The following SH3BP4 variants were observed in gnomAD, a reference collection of about 807,000 sequenced individuals.
The protein encoded by SH3BP4 is SH3 domain binding protein 4.
A neutral mutation model predicts 65.5 loss-of-function variants in SH3BP4; 33 were observed. The ratio of observed to expected loss-of-function variants is 0.50; its 90% CI spans 0.38 to 0.67. The LOEUF (loss-of-function observed/expected upper bound fraction) is 0.67, where lower values mean the gene tolerates loss of function less well. Ranked by LOEUF, SH3BP4 falls within the 30% of genes least tolerant of loss-of-function variation. The pLI, the probability that SH3BP4 is intolerant of heterozygous loss-of-function variation, is 0.00. For synonymous variants in SH3BP4, 552 were observed against 545.5 expected (o/e 1.01, Z -0.17); for missense variants, 1,134 against 1,261.4 (o/e 0.90, Z 1.53).
rs1233442717 is a variant in SH3BP4 at position 234,976,725 on chromosome 2, C to T, written c.-206-18578C>T. On this transcript the variant is annotated intron_variant, in intron 1 of 5. Transcript: ENST00000392011. The surrounding 1 kb of genome is among the most constrained non-coding windows in gnomAD (Gnocchi z 4.7). ...CTGCCTCTGGTCTTCCTCTCAGTAA[C>T]ACACAACCCAGTCTAACTGGGAGAA... 6.8e-6 allele frequency among the ~76,000 whole-genome samples: 1 copy of T among 147,590 alleles called. No individual in the cohort carries two copies. Among genetic ancestry groups the T allele is most frequent in the Non-Finnish European group, 1.5e-5 (1 of 67,558 alleles).
chr2:234,962,594 GA>G (rs1692739150), intron 1 of SH3BP4, among the ~76,000 whole-genome samples: 1 of 152,160 alleles, frequency 6.6e-6, no homozygotes, highest in Admixed American at 6.5e-5. Context: ...CACCCATGAT[GA>G]CCACTCTGGA....
chr2:235,011,735 ACTCT>A (rs1466238095), intron 2 of SH3BP4, among the ~76,000 whole-genome samples: 1 of 152,196 alleles, frequency 6.6e-6, no homozygotes, highest in Non-Finnish European at 1.5e-5. Flanking sequence ...AGTTCTGATA[ACTCT>A]CTGTTTGTCA....
In SH3BP4 at chr2:235,002,461, G is replaced by T. The variant is rs370446489; in HGVS notation, c.-133+7085G>T. 8.0e-4 allele frequency among the ~76,000 whole-genome samples: 122 copies of T among 152,280 alleles called. 4 individuals are homozygous for T. In the South Asian group the frequency reaches 0.025, roughly 31 times the overall value. On this transcript the variant is annotated intron_variant, in intron 2 of 5. Transcript: ENST00000392011. ...ATCAAACCAAGGTCAAGCTGGATGCGGTGGCTCATGACTGTAATCCAAGGG... is the reference window on the plus strand; with the variant it reads ...ATCAAACCAAGGTCAAGCTGGATGCTGTGGCTCATGACTGTAATCCAAGGG...
intron 2 of SH3BP4, among the ~76,000 whole-genome samples, chr2:235,005,997 G>C (rs1339600832): frequency 6.6e-6 from 1 of 152,240 alleles, no homozygotes; most frequent in Non-Finnish European, 1.5e-5. Context: ...TTGATCCCTG[G>C]GGGAGTAGGA....
intron 1 of SH3BP4, among the ~76,000 whole-genome samples, chr2:234,954,432 C>G (rs1409324034): frequency 6.6e-6 from 1 of 152,142 alleles, no homozygotes; most frequent in African/African-American, 2.4e-5. Context: ...TGATCAGGGT[C>G]TGTCTAGTTG....
intron 1 of SH3BP4, among the ~76,000 whole-genome samples, chr2:234,968,538 T>G (rs191431011): frequency 2.6e-5 from 4 of 152,356 alleles, no homozygotes; most frequent in African/African-American, 9.6e-5. Flanking sequence ...GGTTATTCCT[T>G]GGATACTTGC....
intron 2 of SH3BP4, among the ~76,000 whole-genome samples, chr2:235,007,861 A>G (rs1453992596): frequency 6.6e-6 from 1 of 152,194 alleles, no homozygotes; most frequent in Non-Finnish European, 1.5e-5. Context: ...GGACTCAGGC[A>G]CCCGAGGAGA....
At chr2:234,958,600 G>A (rs1692637770) in intron 1 of SH3BP4, among the ~76,000 whole-genome samples, 1 of 152,018 alleles carries the variant, frequency 6.6e-6, no homozygotes, top group Non-Finnish European at 1.5e-5. Flanking sequence ...CCCAGAAGGG[G>A]CAGGAAGGCT....
rs761053542 is a variant in SH3BP4 at position 235,043,133 on chromosome 2, G to C, written c.2364G>C (p.Arg788=). 3.5e-5 allele frequency: 56 copies of C among 1,613,608 alleles called. No individual in the cohort carries two copies. Among genetic ancestry groups the C allele is most frequent in the Non-Finnish European group, 4.5e-5 (53 of 1,179,978 alleles). ...YVNLPLTFFC[R]AELDSEPERV... is the part of the protein sequence containing the mutation. ...ACCTGCCGCTCACCTTTTTCTGCCG[G>C]GCAGAGCTGGATAGTGAGCCCGAGC... The change falls in exon 4 of 6, where the codon CGG becomes CGC. Residue 788 remains arginine (R), a synonymous_variant. Coordinates refer to ENST00000392011, the MANE Select transcript of SH3BP4 (RefSeq NM_014521.3).
chr2:235,017,290 T>C (rs1190681188), intron 2 of SH3BP4, among the ~76,000 whole-genome samples: 1 of 151,540 alleles, frequency 6.6e-6, no homozygotes, highest in Non-Finnish European at 1.5e-5. Context: ...CTACTAAAAA[T>C]ACAAAAATTA....
At chr2:235,029,198 A>G (rs1344565984) in intron 2 of SH3BP4, among the ~76,000 whole-genome samples, 4 of 152,168 alleles carry the variant, frequency 2.6e-5, no homozygotes, top group Non-Finnish European at 5.9e-5. Context: ...TGGAGCCACC[A>G]GGAGTGCATG....
Position 235,041,318 on chromosome 2 carries a change from G to A in SH3BP4, c.549G>A (p.Glu183=), listed in dbSNP as rs769238764. 1.4e-5 allele frequency: 23 copies of A among 1,614,192 alleles called. No individual in the cohort carries two copies. The highest frequency in any genetic ancestry group is 1.9e-5 in the Non-Finnish European group (23 of 1,180,032). ...TGCCCGTCATGCCCAGCCTGGATGA[G>A]CTGAATCCCAAAAGTACTGTGGATT... ...GNVPVMPSLD[E]LNPKSTVDLL... The change falls in exon 4 of 6, where the codon GAG becomes GAA. Residue 183 remains glutamate, a synonymous_variant. Coordinates refer to ENST00000392011, the MANE Select transcript of SH3BP4 (RefSeq NM_014521.3). The surrounding 1 kb of genome is among the most constrained non-coding windows in gnomAD (Gnocchi z 6.0).
Position 235,043,331 on chromosome 2 carries a change from C to T in SH3BP4, c.2478+84C>T, listed in dbSNP as rs116191799. On this transcript the variant is annotated intron_variant, in intron 4 of 5. Coordinates refer to ENST00000392011, the MANE Select transcript of SH3BP4 (RefSeq NM_014521.3). ...CTTCCCAGTGCACATGGGCGTGGGCCGTGGTGTCGTAAGTCACCAGGACAG... is the reference window on the plus strand; with the variant it reads ...CTTCCCAGTGCACATGGGCGTGGGCTGTGGTGTCGTAAGTCACCAGGACAG... The T allele has an allele frequency of 4.2e-3, 4,842 of 1,148,376 alleles. 148 individuals are homozygous for T. In the African/African-American group the frequency reaches 0.066, roughly 16 times the overall value. 71.1% of individuals were successfully genotyped at this position (1,148,376 alleles called of 1,614,324 possible). A position where few individuals can be genotyped will look rare whatever the true frequency, so the allele number is the denominator to read the frequency against.
intron 2 of SH3BP4, among the ~76,000 whole-genome samples, chr2:235,019,728 G>A (rs991302327): frequency 3.3e-5 from 5 of 151,592 alleles, no homozygotes; most frequent in African/African-American, 7.3e-5. Context: ...GAGCCACCAC[G>A]CCTGGCCAGG....
At chr2:235,037,931 G>A (rs775441289) in intron 3 of SH3BP4, among the ~76,000 whole-genome samples, 1 of 151,894 alleles carries the variant, frequency 6.6e-6, no homozygotes, top group Non-Finnish European at 1.5e-5. Flanking sequence ...GGCACAGCCA[G>A]GGGGAATTCA....
In SH3BP4 at chr2:235,026,215, C is replaced by G. The variant is rs1694996177; in HGVS notation, c.-132-8656C>G. ...TTGAAGAGGGATTCACACGCCCTCC[C>G]CTCCTCTTCCTGACCTGTCGGGGGA... On this transcript the variant is annotated intron_variant, in intron 2 of 5. Coordinates refer to ENST00000392011, the MANE Select transcript of SH3BP4 (RefSeq NM_014521.3). This position sits in a 1 kb window ranked among gnomAD's most constrained non-coding sequence, Gnocchi z 4.6. 6.6e-6 allele frequency among the ~76,000 whole-genome samples: 1 copy of G among 152,098 alleles called. No homozygotes were observed. Among genetic ancestry groups the G allele is most frequent in the Admixed American group, 6.6e-5 (1 of 15,262 alleles).
rs1002656311 is a variant in SH3BP4 at position 234,974,630 on chromosome 2, C to A, written c.-206-20673C>A. Among the ~76,000 whole-genome samples the A allele has an allele frequency of 6.6e-6, 1 of 152,208 alleles. No homozygotes were observed. The highest frequency in any genetic ancestry group is 2.4e-5 in the African/African-American group (1 of 41,452). ...GGCGCGGGCCTTCTGGTGCTCAGGG[C>A]CCCCGTTCCCTGGTCTCATTTTACA... is the stretch of plus-strand genomic sequence containing the variant. On this transcript the variant is annotated intron_variant, in intron 1 of 5. Coordinates refer to ENST00000392011, the MANE Select transcript of SH3BP4 (RefSeq NM_014521.3). This position sits in a 1 kb window ranked among gnomAD's most constrained non-coding sequence, Gnocchi z 4.6.
At chr2:235,016,422 A>G (rs989010820) in intron 2 of SH3BP4, among the ~76,000 whole-genome samples, 5 of 152,166 alleles carry the variant, frequency 3.3e-5, no homozygotes, top group African/African-American at 1.2e-4. Context: ...TGTGACTGGA[A>G]GTGTCTGGTG....
chr2:234,964,556 G>A (rs1692791467), intron 1 of SH3BP4, among the ~76,000 whole-genome samples: 1 of 152,160 alleles, frequency 6.6e-6, no homozygotes, highest in South Asian at 2.1e-4. Flanking sequence ...GTCAGGACAG[G>A]ATCCCTAAAG....
Sources: gnomAD v4.1 joint callset for allele counts (sites outside exome capture counted in the v4.1 genomes callset) on GRCh38, gnomAD v4.1.1 for gene constraint, Gnocchi (gnomAD v3.1) non-coding constraint, MANE v1.5 for transcripts, NCBI Gene and HGNC (gene_info 2026-07-23, HGNC 2026-07-21) for gene names.